USH2A: variants seen among roughly 807,000 people sequenced by gnomAD.
USH2A encodes the protein usherin.
USH2A carries 443 observed loss-of-function variants against 538.9 expected under a neutral mutation model. The observed-to-expected ratio is 0.82, with a 90% CI of 0.76 to 0.89. USH2A has a LOEUF of 0.89. USH2A is among the 40% of genes least tolerant of loss of function. USH2A has a pLI of 0.00. For synonymous variants in USH2A, 2,413 were observed against 2,273.5 expected, an observed-to-expected ratio of 1.06 and a Z score of -1.75; for missense variants, 6,633 against 6,324.8, an observed-to-expected ratio of 1.05 and a Z score of -1.65.
intron 43 of USH2A, among the ~76,000 whole-genome samples, chr1:215,873,808 A>C (rs1664683757): frequency 6.6e-6 from 1 of 152,040 alleles, no homozygotes; most frequent in Non-Finnish European, 1.5e-5. Flanking sequence ...TTGCAAAAAA[A>C]AAAAAAAATA....
intron 56 of USH2A, among the ~76,000 whole-genome samples, chr1:215,760,770 A>G (rs778395773): frequency 2.6e-5 from 4 of 152,152 alleles, no homozygotes; most frequent in Admixed American, 6.6e-5. Context: ...TATAATGTAT[A>G]CTTTCCTGTA....
intron 37 of USH2A, among the ~76,000 whole-genome samples, chr1:215,945,097 G>A (rs1421478722): frequency 1.3e-5 from 2 of 152,048 alleles, no homozygotes; most frequent in Non-Finnish European, 2.9e-5. Context: ...AGAGGCAAGA[G>A]AACAATAATA....
chr1:215,896,627 A>G (rs557313475), intron 40 of USH2A, among the ~76,000 whole-genome samples: 56 of 152,182 alleles, frequency 3.7e-4, no homozygotes, highest in Non-Finnish European at 4.8e-4. Flanking sequence ...TTCTACATGC[A>G]TGTACTATAC....
In USH2A at chr1:215,970,699, C is replaced by T. The variant is rs768253909; in HGVS notation, c.6883G>A (p.Gly2295Arg). ...GAATGTAAACTCCAAGGAGCAAATCCGTAAGCACGATAGCTGAGTTCTGAG... is the reference window on the plus strand; with the variant it reads ...GAATGTAAACTCCAAGGAGCAAATCTGTAAGCACGATAGCTGAGTTCTGAG... Reference protein sequence around the residue: ...NSSELSYRAYGFAPWSLHSFR... With the variant: ...NSSELSYRAYRFAPWSLHSFR... Residue 2295 changes from glycine (G) to arginine (R), a missense_variant, in exon 36 of 72, where the codon GGA becomes AGA. Gly to Arg is a moderately radical substitution (Grantham distance 125). Coordinates refer to ENST00000307340, the MANE Select transcript of USH2A (RefSeq NM_206933.4). 206 of 1,613,516 alleles carry T rather than the reference C, an allele frequency of 1.3e-4. No individual in the cohort carries two copies. Among genetic ancestry groups the T allele is most frequent in the Non-Finnish European group, 1.7e-4 (195 of 1,179,734 alleles).
chr1:215,933,731 C>A (rs1352473803), intron 38 of USH2A, among the ~76,000 whole-genome samples: 1 of 151,952 alleles, frequency 6.6e-6, no homozygotes, highest in Non-Finnish European at 1.5e-5. Context: ...TTGTGACATT[C>A]TCCCTTAGTT....
chr1:215,879,192 T>G, intron 41 of USH2A, 94 bp from the exon 42 acceptor site: 1 of 1,101,980 alleles, frequency 9.1e-7, no homozygotes, highest in Non-Finnish European at 1.4e-6. Flanking sequence ...TGTTTTCAGT[T>G]AAGTCATTTT....
intron 37 of USH2A, among the ~76,000 whole-genome samples, chr1:215,955,815 A>T (rs1411373855): frequency 6.6e-6 from 1 of 152,188 alleles, no homozygotes; most frequent in Non-Finnish European, 1.5e-5. Context: ...TGGTATATAG[A>T]ACTATGATTT....
intron 32 of USH2A, among the ~76,000 whole-genome samples, chr1:216,018,723 A>G (rs764836451): frequency 1.9e-4 from 29 of 152,178 alleles, no homozygotes; most frequent in Non-Finnish European, 4.1e-4. Flanking sequence ...TCTTTTCTCC[A>G]TCTTCTAATC....
At chr1:216,066,664 AG>A (rs1238229615) in intron 30 of USH2A, among the ~76,000 whole-genome samples, 8 of 152,166 alleles carry the variant, frequency 5.3e-5, no homozygotes, top group Non-Finnish European at 1.0e-4. Context: ...GGAGGCATGT[AG>A]TTGTATCTCA....
At chr1:216,165,368 G>C (rs187425428) in intron 21 of USH2A, among the ~76,000 whole-genome samples, 1 of 152,218 alleles carries the variant, frequency 6.6e-6, no homozygotes, top group African/African-American at 2.4e-5. Context: ...TAGCTATGGT[G>C]GGGCAGAAAA....
intron 37 of USH2A, among the ~76,000 whole-genome samples, chr1:215,935,407 G>A (rs1426605530): frequency 6.6e-6 from 1 of 151,984 alleles, no homozygotes; most frequent in Non-Finnish European, 1.5e-5. Flanking sequence ...GGGATGGGAG[G>A]TACTATATGT....
chr1:215,637,710 T>C (rs542579643), intron 69 of USH2A, among the ~76,000 whole-genome samples: 2 of 152,330 alleles, frequency 1.3e-5, no homozygotes, highest in South Asian at 2.1e-4. Flanking sequence ...TTTTTACAAA[T>C]TGAAACTATC....
chr1:215,705,336 T>C (rs866744690), intron 61 of USH2A, among the ~76,000 whole-genome samples: 3 of 152,212 alleles, frequency 2.0e-5, no homozygotes, highest in African/African-American at 7.2e-5. Context: ...TTTATTTTAA[T>C]GCCAAATCAT....
intron 4 of USH2A, among the ~76,000 whole-genome samples, chr1:216,343,782 A>T (rs567425136): frequency 6.6e-6 from 1 of 152,224 alleles, no homozygotes; most frequent in South Asian, 2.1e-4. Context: ...ACAAAATGAA[A>T]ATCAAATAAT....
intron 4 of USH2A, among the ~76,000 whole-genome samples, chr1:216,333,868 C>G (rs1454466482): frequency 6.6e-6 from 1 of 151,970 alleles, no homozygotes; most frequent in Non-Finnish European, 1.5e-5. Context: ...GCAAAACTCT[C>G]CTTCAAAAAT....
At position 216,000,465 on chromosome 1, in the gene USH2A, C is replaced by T. The variant is rs758340986; in HGVS notation, c.6423G>A (p.Leu2141=). ...CTGGGGAATCCACGTGTTCTGGTGG[C>T]AGCTGTGCTGTGTACAGTAGGACCC... The part of the protein sequence containing the change: ...SSWVLLYTAQ[L]PPEHVDSPVL... Residue 2141 remains leucine, a synonymous_variant, in exon 33 of 72, where the codon CTG becomes CTA. Transcript: ENST00000307340. 6.2e-7 allele frequency: 1 copy of T among 1,613,734 alleles called. No homozygotes were observed. Among genetic ancestry groups the T allele is most frequent in the South Asian group, 1.1e-5 (1 of 91,084 alleles).
At chr1:215,810,601 G>A (rs1662641334) in intron 49 of USH2A, among the ~76,000 whole-genome samples, 1 of 152,132 alleles carries the variant, frequency 6.6e-6, no homozygotes, top group Admixed American at 6.6e-5. Flanking sequence ...CTGGTGTGAA[G>A]AATGGTAGGA....
intron 61 of USH2A, among the ~76,000 whole-genome samples, chr1:215,696,855 C>T (rs572663244): frequency 2.0e-5 from 3 of 152,250 alleles, no homozygotes; most frequent in Admixed American, 2.0e-4. Flanking sequence ...CATAGTGAGA[C>T]CTGTCTCTAA....
chr1:216,214,641 A>C (rs999445019), intron 15 of USH2A, among the ~76,000 whole-genome samples: 3 of 152,028 alleles, frequency 2.0e-5, no homozygotes, highest in Non-Finnish European at 2.9e-5. Flanking sequence ...CACAAGTCTA[A>C]ATTTACTAAA....
Sources: allele counts gnomAD v4.1 joint callset (sites outside exome capture counted in the v4.1 genomes callset), GRCh38; gene constraint gnomAD v4.1.1; transcripts MANE v1.5; gene names NCBI Gene and HGNC (gene_info 2026-07-23, HGNC 2026-07-21).